Variants in RBFOX1 observed in about 807,000 individuals in gnomAD.
The protein encoded by RBFOX1 is RNA binding protein fox-1 homolog 1.
In RBFOX1, 8 loss-of-function variants were observed where a neutral mutation model predicts 57.7. The observed-to-expected ratio is 0.14, with a 90% CI of 0.08 to 0.25. The LOEUF (loss-of-function observed/expected upper bound fraction) is 0.25. Among genes scored for constraint, RBFOX1 ranks in the 10% least tolerant of loss-of-function variants. The pLI is 1.00. For synonymous variants in RBFOX1, 326 were observed against 222.4 expected (o/e 1.47, Z -4.15); for missense variants, 611 against 548.5 (o/e 1.11, Z -1.14).
intron 2 of RBFOX1, among the ~76,000 whole-genome samples, chr16:6,442,702 C>G (rs910131132): frequency 2.0e-5 from 3 of 152,170 alleles, no homozygotes; most frequent in African/African-American, 7.2e-5. Context: ...CCTGTCTTTT[C>G]TCTTTGTAAT....
At chr16:6,723,516 T>G (rs1212034084) in intron 3 of RBFOX1, among the ~76,000 whole-genome samples, 1 of 152,222 alleles carries the variant, frequency 6.6e-6, no homozygotes. Context: ...AGATTGTGTT[T>G]GTATGTGCAT....
At chr16:6,378,256 A>T (rs1216616748) in intron 2 of RBFOX1, among the ~76,000 whole-genome samples, 3 of 152,164 alleles carry the variant, frequency 2.0e-5, no homozygotes, top group South Asian at 2.1e-4. Context: ...CACAGCTGCC[A>T]GTGCTTCCCC....
chr16:6,792,272 G>A (rs557191933), intron 3 of RBFOX1, among the ~76,000 whole-genome samples: 1 of 152,158 alleles, frequency 6.6e-6, no homozygotes, highest in Non-Finnish European at 1.5e-5. Context: ...GAATTGTGAA[G>A]ATTACATAAA....
rs1188557748 is a variant in RBFOX1 at position 6,981,244 on chromosome 16, G to T, written c.-15-70813G>T. Among the ~76,000 whole-genome samples the T allele has an allele frequency of 3.3e-5, 5 of 151,994 alleles. No homozygotes were observed. In the East Asian group the frequency reaches 5.8e-4, roughly 18 times the overall value. Reference sequence around the variant, plus strand: ...GTATTAAGCCTAGTACTCATTCATTGTTTTTTGTGATTCTCCCCTCCTCCC... The same window carrying T: ...GTATTAAGCCTAGTACTCATTCATTTTTTTTTGTGATTCTCCCCTCCTCCC... On this transcript the variant is annotated intron_variant, in intron 3 of 15. Transcript: ENST00000550418.
intron 3 of RBFOX1, among the ~76,000 whole-genome samples, chr16:6,904,598 C>CT (rs1336961118): frequency 6.5e-5 from 3 of 45,884 alleles, no homozygotes; most frequent in African/African-American, 2.6e-4. Context: ...GAGACTCTCT[C>CT]TAAAAAAAAA....
rs1343580921 is a variant in RBFOX1 at position 7,127,559 on chromosome 16, G to A, written c.27+75461G>A. On this transcript the variant is annotated intron_variant, in intron 4 of 15. Transcript: ENST00000550418. ...GTGTACTGTATGTGTATGCACGAGC[G>A]TGCATGTGTGTGGGGAATGTGTACA... 4.6e-5 allele frequency among the ~76,000 whole-genome samples: 7 copies of A among 152,274 alleles called. No individual in the cohort carries two copies. The South Asian group carries it at 8.3e-4, about 18-fold the overall frequency.
chr16:6,820,747 G>A (rs1026491979), intron 3 of RBFOX1, among the ~76,000 whole-genome samples: 6 of 152,164 alleles, frequency 3.9e-5, no homozygotes, highest in African/African-American at 1.4e-4. Flanking sequence ...GCCTCTATAG[G>A]CCTCAAATCG....
intron 3 of RBFOX1, among the ~76,000 whole-genome samples, chr16:7,050,463 A>C (rs1442687288): frequency 6.6e-6 from 1 of 151,936 alleles, no homozygotes; most frequent in Non-Finnish European, 1.5e-5. Flanking sequence ...AAGAGGTTTC[A>C]CCATATTGGC....
chr16:7,285,075 CTTTTT>C (rs58959488), intron 4 of RBFOX1, among the ~76,000 whole-genome samples: 61 of 42,716 alleles, frequency 1.4e-3, no homozygotes, highest in East Asian at 8.4e-3. Flanking sequence ...AGATTCCTTA[CTTTTT>C]TTTTTTTTTT....
At chr16:6,446,293 A>T (rs940055733) in intron 2 of RBFOX1, among the ~76,000 whole-genome samples, 2 of 152,142 alleles carry the variant, frequency 1.3e-5, no homozygotes, top group African/African-American at 4.8e-5. Context: ...GTGAGCCACC[A>T]CACCTGGCCA....
chr16:5,714,873 G>C (rs2051630066), intron 3 of RBFOX1, among the ~76,000 whole-genome samples: 1 of 152,184 alleles, frequency 6.6e-6, no homozygotes, highest in Non-Finnish European at 1.5e-5. Context: ...CACGTAGCTA[G>C]TAGACATCTC....
At chr16:7,023,371 A>G (rs1036511440) in intron 3 of RBFOX1, among the ~76,000 whole-genome samples, 1 of 151,328 alleles carries the variant, frequency 6.6e-6, no homozygotes, top group Admixed American at 6.6e-5. Flanking sequence ...GAGACAGGAG[A>G]ATTGCTTGAA....
intron 1 of RBFOX1, among the ~76,000 whole-genome samples, chr16:6,130,059 A>G (rs2096619148): frequency 6.6e-6 from 1 of 152,200 alleles, no homozygotes; most frequent in African/African-American, 2.4e-5. Flanking sequence ...AAATGAGAGC[A>G]GAAGGAAGCT....
intron 2 of RBFOX1, among the ~76,000 whole-genome samples, chr16:6,366,113 G>GTGTGTT (rs1300338822): frequency 6.6e-6 from 1 of 151,748 alleles, no homozygotes; most frequent in African/African-American, 2.4e-5. Flanking sequence ...GTGTGTGTGT[G>GTGTGTT]TGTGTGTGTG....
chr16:7,133,119 A>C (rs2070975091), intron 4 of RBFOX1, among the ~76,000 whole-genome samples: 1 of 152,226 alleles, frequency 6.6e-6, no homozygotes, highest in African/African-American at 2.4e-5. Flanking sequence ...TATGCATCAA[A>C]AATGCAGGTT....
intron 5 of RBFOX1, among the ~76,000 whole-genome samples, chr16:7,566,809 C>T (rs562005827): frequency 6.6e-6 from 1 of 152,174 alleles, no homozygotes; most frequent in East Asian, 1.9e-4. Flanking sequence ...TTTCCACATC[C>T]AAGGGTGTCT....
chr16:6,019,325 C>G lies in RBFOX1; in HGVS notation c.-794C>G. ...CCTCCTTTCCAGTCCCCGTGCGAGCCGCGCTGCCGCCGCCTCCTCCAGCCA... is the reference window on the plus strand; with the variant it reads ...CCTCCTTTCCAGTCCCCGTGCGAGCGGCGCTGCCGCCGCCTCCTCCAGCCA... On this transcript the variant is annotated 5_prime_UTR_variant, in exon 1 of 16. Coordinates refer to ENST00000550418, the MANE Select transcript of RBFOX1 (RefSeq NM_018723.4). The surrounding 1 kb of genome is among the most constrained non-coding windows in gnomAD (Gnocchi z 4.2). The G allele has an allele frequency of 4.1e-6, 4 of 985,256 alleles. No individual in the cohort carries two copies. Among genetic ancestry groups the G allele is most frequent in the Non-Finnish European group, 4.8e-6 (4 of 830,182 alleles). The allele number at this position is 985,256 out of a possible 1,614,324, so 61.0% of individuals were successfully genotyped here. A position where few individuals can be genotyped will look rare whatever the true frequency, so the allele number is the denominator to read the frequency against.
intron 2 of RBFOX1, among the ~76,000 whole-genome samples, chr16:6,349,097 A>C (rs956728787): frequency 2.0e-5 from 3 of 152,164 alleles, no homozygotes; most frequent in African/African-American, 7.2e-5. Flanking sequence ...GTGGGTTGCT[A>C]TCTCTTTCAA....
chr16:7,032,140 C>A (rs539432583), intron 3 of RBFOX1, among the ~76,000 whole-genome samples: 176 of 152,152 alleles, frequency 1.2e-3, no homozygotes, highest in South Asian at 9.8e-3. Context: ...AAAATCTTAT[C>A]TTGGCGGGGT....
Sources: allele counts gnomAD v4.1 joint callset (sites outside exome capture counted in the v4.1 genomes callset), GRCh38; gene constraint gnomAD v4.1.1; non-coding constraint Gnocchi (gnomAD v3.1); transcripts MANE v1.5; gene names NCBI Gene and HGNC (gene_info 2026-07-23, HGNC 2026-07-21).